Variants in ENTPD5 observed in about 807,000 individuals in gnomAD.
ENTPD5 encodes the protein ectonucleoside triphosphate diphosphohydrolase 5 (inactive).
Under a neutral mutation model 60.2 loss-of-function variants are expected in ENTPD5, and 49 were observed. That is an observed-to-expected ratio of 0.81 (90% CI 0.65 to 1.03). The LOEUF is 1.03. ENTPD5 is among the 50% of genes least tolerant of loss of function. The probability of loss-of-function intolerance (pLI) is 0.00; values close to 1 mark genes in which losing one functional copy is unlikely to be tolerated. For synonymous variants in ENTPD5, 187 were observed against 185.4 expected (o/e 1.01, Z -0.07); for missense variants, 480 against 507.6 (o/e 0.95, Z 0.52).
intron 3 of ENTPD5, among the ~76,000 whole-genome samples, chr14:73,991,364 G>C (rs2058120402): frequency 6.6e-6 from 1 of 152,086 alleles, no homozygotes. Context: ...AATGCTGGCG[G>C]ATCACTTGAG....
At chr14:73,975,113 A>G (rs1327080059) in intron 10 of ENTPD5, 128 bp from the exon 11 acceptor site, 4 of 729,350 alleles carry the variant, frequency 5.5e-6, no homozygotes, top group Non-Finnish European at 7.1e-6. Context: ...TGTCTGTGAC[A>G]TATTCATCTC....
downstream of ENTPD5, chr14:73,959,460 C>G (rs1269286634): frequency 6.2e-7 from 1 of 1,614,222 alleles, no homozygotes; most frequent in Admixed American, 1.7e-5. Context: ...GTCCCATGAA[C>G]ATGCAGCAGA....
chr14:73,961,432 C>T (rs747287198), downstream of ENTPD5: 30 of 1,613,774 alleles, frequency 1.9e-5, no homozygotes, highest in Non-Finnish European at 2.4e-5. Context: ...AGAGGTCACA[C>T]CTGAACTCTG....
intron 6 of ENTPD5, among the ~76,000 whole-genome samples, chr14:73,982,528 G>A (rs928686065): frequency 6.6e-6 from 1 of 151,972 alleles, no homozygotes; most frequent in Non-Finnish European, 1.5e-5. Context: ...AGGCTGAGGC[G>A]GGCAGATCAC....
chr14:73,975,058 G>GT, intron 10 of ENTPD5, 73 bp from the exon 11 acceptor site: 2 of 1,140,368 alleles, frequency 1.8e-6, no homozygotes, highest in South Asian at 1.3e-5. Flanking sequence ...TCTTTCAAAA[G>GT]TAACATTGTT....
At chr14:74,004,740 G>A (rs1226637175) in intron 3 of ENTPD5, among the ~76,000 whole-genome samples, 2 of 152,134 alleles carry the variant, frequency 1.3e-5, no homozygotes, top group Non-Finnish European at 2.9e-5. Context: ...CTCCAGAGCA[G>A]TCAATCCAAG....
At chr14:74,008,717 T>C (rs2058755212) in intron 3 of ENTPD5, among the ~76,000 whole-genome samples, 1 of 152,088 alleles carries the variant, frequency 6.6e-6, no homozygotes, top group Non-Finnish European at 1.5e-5. Context: ...TTTTCTTTCT[T>C]AAGACAGGGT....
rs1035426148 is a variant in ENTPD5, at chr14:73,965,647, G to C, written c.*1281C>G. 2.0e-5 allele frequency: 3 copies of C among 152,312 alleles called. No homozygotes were observed. Among genetic ancestry groups the C allele is most frequent in the Non-Finnish European group, 4.4e-5 (3 of 68,092 alleles). The allele number at this position is 152,312 out of a possible 1,614,324, so 9.4% of individuals were successfully genotyped here. A position where few individuals can be genotyped will look rare whatever the true frequency, so the allele number is the denominator to read the frequency against. Reference sequence around the variant, plus strand: ...CTGAGAACAAGAATCGCTTGAACCTGGGGGCGGAGGTTGCAGTGAGCTGAG... The same window carrying C: ...CTGAGAACAAGAATCGCTTGAACCTCGGGGCGGAGGTTGCAGTGAGCTGAG... On this transcript the variant is annotated 3_prime_UTR_variant, in exon 16 of 16. Transcript: ENST00000334696.
At chr14:73,983,754 G>C (rs2057790166) in intron 5 of ENTPD5, among the ~76,000 whole-genome samples, 1 of 149,504 alleles carries the variant, frequency 6.7e-6, no homozygotes, top group African/African-American at 2.5e-5. Flanking sequence ...ATGATCTTGT[G>C]ATCTTGGCTC....
chr14:73,958,183 G>C (rs760954348), downstream of ENTPD5: 4 of 1,613,924 alleles, frequency 2.5e-6, no homozygotes, highest in Non-Finnish European at 3.4e-6. Context: ...AAAGCCATTC[G>C]CTATACCTGG....
At chr14:74,011,522 C>A (rs1043696479) in intron 2 of ENTPD5, among the ~76,000 whole-genome samples, 5 of 152,106 alleles carry the variant, frequency 3.3e-5, no homozygotes, top group Non-Finnish European at 7.3e-5. Flanking sequence ...ACAGACTGGG[C>A]GCAGCAACTC....
In ENTPD5 at chr14:73,973,845, G is replaced by A. The variant is rs756836290; in HGVS notation, c.886+32C>T. On this transcript the variant is annotated intron_variant, in intron 12 of 15. Transcript: ENST00000334696. ...CTTTTCCAGAGCTTCCATTGTAAAC[G>A]TAACTTTAACCAGTGAAAAAACATC... The A allele has an allele frequency of 1.3e-5, 21 of 1,579,444 alleles. No individual in the cohort carries two copies. The Admixed American group carries it at 1.8e-4, about 14-fold the overall frequency.
At chr14:74,007,335 C>G (rs1260275672) in intron 3 of ENTPD5, among the ~76,000 whole-genome samples, 1 of 152,080 alleles carries the variant, frequency 6.6e-6, no homozygotes, top group African/African-American at 2.4e-5. Context: ...TCCTGGCTAA[C>G]ACGGTGAAAC....
At position 73,995,870 on chromosome 14, in the gene ENTPD5, C is replaced by T. The variant is rs891649979; in HGVS notation, c.-70-7698G>A. 5.9e-5 allele frequency among the ~76,000 whole-genome samples: 9 copies of T among 152,180 alleles called. No homozygotes were observed. In the South Asian group the frequency reaches 1.7e-3, roughly 28 times the overall value. On this transcript the variant is annotated intron_variant, in intron 3 of 15. Coordinates refer to ENST00000334696, the MANE Select transcript of ENTPD5 (RefSeq NM_001249.5). The stretch of plus-strand genomic sequence containing the variant: ...TTTCTCTTGCTCACTATCTCTTATT[C>T]ACCCCCCAACAAAGCCCTGTTTCCA...
chr14:74,008,146 A>T (rs1287498865), intron 3 of ENTPD5, among the ~76,000 whole-genome samples: 1 of 151,686 alleles, frequency 6.6e-6, no homozygotes, highest in African/African-American at 2.4e-5. Flanking sequence ...AGAAAAAAAA[A>T]ATTTTTTAAC....
At chr14:73,998,978 A>G (rs117798650) in intron 3 of ENTPD5, among the ~76,000 whole-genome samples, 1 of 152,154 alleles carries the variant, frequency 6.6e-6, no homozygotes, top group Non-Finnish European at 1.5e-5. Flanking sequence ...GGAGTATCCA[A>G]ATACGAATCT....
chr14:73,971,183 A>C (rs924929155), intron 14 of ENTPD5, among the ~76,000 whole-genome samples: 4 of 145,744 alleles, frequency 2.7e-5, no homozygotes, highest in African/African-American at 1.0e-4. Flanking sequence ...TTTGAGGTGG[A>C]GTCTCACTCT....
downstream of ENTPD5, chr14:73,960,175 G>A: frequency 1.0e-6 from 1 of 988,110 alleles, no homozygotes; most frequent in Non-Finnish European, 1.2e-6. Flanking sequence ...TATTCCTAGG[G>A]AAAGGCCGAG....
intron 3 of ENTPD5, among the ~76,000 whole-genome samples, chr14:73,988,519 T>C (rs948467247): frequency 2.6e-5 from 4 of 152,240 alleles, no homozygotes; most frequent in African/African-American, 9.6e-5. Flanking sequence ...ATTGTTTGTG[T>C]TGGAAACATT....
Sources: gnomAD v4.1 joint callset for allele counts (sites outside exome capture counted in the v4.1 genomes callset) on GRCh38, gnomAD v4.1.1 for gene constraint, MANE v1.5 for transcripts, NCBI Gene and HGNC (gene_info 2026-07-23, HGNC 2026-07-21) for gene names.